DNPEP: variants seen among roughly 807,000 people sequenced by gnomAD.
DNPEP encodes the protein aspartyl aminopeptidase.
In DNPEP, 46 loss-of-function variants were observed where a neutral mutation model predicts 59.1. That is an observed-to-expected ratio of 0.78 (90% CI 0.61 to 0.99). The LOEUF (loss-of-function observed/expected upper bound fraction) is 0.99. Among genes scored for constraint, DNPEP ranks in the 50% least tolerant of loss-of-function variants. The pLI is 0.00. For synonymous variants in DNPEP, 229 were observed against 242.2 expected, an observed-to-expected ratio of 0.95 and a Z score of 0.50; for missense variants, 617 against 649.9, an observed-to-expected ratio of 0.95 and a Z score of 0.55.
chr2:219,382,918 G>A (rs546657273), intron 10 of DNPEP, among the ~76,000 whole-genome samples: 1 of 152,306 alleles, frequency 6.6e-6, no homozygotes, highest in Non-Finnish European at 1.5e-5. Flanking sequence ...AGCTCACCAT[G>A]TGGCACAAAG....
At chr2:219,376,590 A>G (rs79813736) in intron 13 of DNPEP, among the ~76,000 whole-genome samples, 1,546 of 152,336 alleles carry the variant, frequency 0.01, 27 homozygotes, top group African/African-American at 0.035. Flanking sequence ...AGAAAGAATT[A>G]GCATTTATCC....
In DNPEP at chr2:219,373,296, G is replaced by A. The variant is rs1005810964; in HGVS notation, c.*996C>T. On this transcript the variant is annotated 3_prime_UTR_variant, in exon 15 of 15. Coordinates refer to ENST00000273075, the MANE Select transcript of DNPEP (RefSeq NM_012100.4). ...TTGGTCAGGCTGGTCTTGAACTCCC[G>A]ACCTCAGGTGATCCGCCCACCTCAG... Among the ~76,000 whole-genome samples the A allele has an allele frequency of 6.6e-6, 1 of 151,786 alleles. No homozygotes were observed. The highest frequency in any genetic ancestry group is 2.4e-5 in the African/African-American group (1 of 41,288).
intron 13 of DNPEP, 58 bp downstream of exon 13, chr2:219,381,277 G>A: frequency 6.7e-7 from 1 of 1,487,860 alleles, no homozygotes; most frequent in Non-Finnish European, 9.4e-7. Flanking sequence ...GGGCCCATCT[G>A]TTTGTGCCCC....
Position 219,373,074 on chromosome 2 carries a change from C to CT in DNPEP, c.*1217dup, listed in dbSNP as rs1043331196. 0.017 allele frequency among the ~76,000 whole-genome samples: 2,426 copies of CT among 142,424 alleles called. 58 individuals carry two copies. Among genetic ancestry groups the CT allele is most frequent in the African/African-American group, 0.052 (2,036 of 39,246 alleles). The allele number at this position is 142,424 out of a possible 152,430, so 93.4% of individuals were successfully genotyped here. On this transcript the variant is annotated 3_prime_UTR_variant, in exon 15 of 15. Coordinates refer to ENST00000273075, the MANE Select transcript of DNPEP (RefSeq NM_012100.4). The stretch of plus-strand genomic sequence containing the variant: ...AAGCAGGCTTTGACTTTTTCTTTTT[C>CT]TTTTTTTTTTTTTGAGAGAGTTTCA...
intron 14 of DNPEP, 78 bp from the exon 15 acceptor site, chr2:219,374,420 C>CAT: frequency 7.5e-7 from 1 of 1,338,096 alleles, no homozygotes; most frequent in Non-Finnish European, 1.1e-6. Context: ...CTCCCACCAA[C>CAT]ATATGTTCCA....
At chr2:219,392,278 A>G (rs1030930780), upstream of DNPEP, among the ~76,000 whole-genome samples, 1 of 152,164 alleles carries the variant, frequency 6.6e-6, no homozygotes, top group African/African-American at 2.4e-5. Context: ...TTAAAGTGCA[A>G]ATACTTTTGC....
intron 8 of DNPEP, 146 bp downstream of exon 8, chr2:219,385,278 G>C (rs1953761408): frequency 1.7e-6 from 1 of 603,390 alleles, no homozygotes; most frequent in Admixed American, 2.8e-5. Flanking sequence ...CGCCCTAGAA[G>C]CAGTGGGGGA....
upstream of DNPEP, among the ~76,000 whole-genome samples, chr2:219,390,625 G>T (rs1358604138): frequency 2.6e-5 from 4 of 152,180 alleles, no homozygotes; most frequent in African/African-American, 9.6e-5. Flanking sequence ...GGAGGCAAAG[G>T]CGGGTGGATC....
At chr2:219,385,841 TG>T in intron 6 of DNPEP, 126 bp downstream of exon 6, 1 of 1,466,550 alleles carries the variant, frequency 6.8e-7, no homozygotes, top group Non-Finnish European at 9.2e-7. Context: ...ATCACAAGGC[TG>T]TGAGGACCCT....
At chr2:219,389,434 T>G (rs1346805723), upstream of DNPEP, among the ~76,000 whole-genome samples, 1 of 152,194 alleles carries the variant, frequency 6.6e-6, no homozygotes. Flanking sequence ...GGAAAGGTCC[T>G]GCAGCCCTCA....
intron 13 of DNPEP, among the ~76,000 whole-genome samples, chr2:219,380,757 A>G (rs966385309): frequency 1.1e-4 from 17 of 150,840 alleles, no homozygotes; most frequent in African/African-American, 4.1e-4. Context: ...GTTGTTAAGC[A>G]ATGCATGACA....
intron 1 of DNPEP, chr2:219,399,732 C>CT (rs1288611701): frequency 2.1e-5 from 15 of 706,290 alleles, no homozygotes; most frequent in Non-Finnish European, 3.6e-5. Context: ...TGTTAGCAGA[C>CT]TGAGAGCAGG....
chr2:219,394,579 T>C (rs867014579), intron 1 of DNPEP, among the ~76,000 whole-genome samples: 5 of 152,068 alleles, frequency 3.3e-5, no homozygotes, highest in African/African-American at 1.2e-4. Flanking sequence ...CCTGGCCTCA[T>C]CTCCCATCTT....
At position 219,374,951 on chromosome 2, in the gene DNPEP, C is replaced by A. The variant is rs969674682; in HGVS notation, c.1311G>T (p.Leu437=). Residue 437 remains leucine, a synonymous_variant, in exon 14 of 15, where the codon CTG becomes CTT. Transcript: ENST00000273075. Reference sequence around the variant, plus strand: ...GGGGGCTGCCTAAATCCAGCACCCGCAGCCCCAGCCGAGAAGCCAAGATAG... The same window carrying A: ...GGGGGCTGCCTAAATCCAGCACCCGAAGCCCCAGCCGAGAAGCCAAGATAG... The part of the protein sequence containing the change: ...IGPILASRLG[L]RVLDLGSPQL... The A allele has an allele frequency of 6.2e-7, 1 of 1,614,168 alleles. No homozygotes were observed. Among genetic ancestry groups the A allele is most frequent in the Non-Finnish European group, 8.5e-7 (1 of 1,180,040 alleles).
chr2:219,379,020 C>T (rs777264558), intron 13 of DNPEP, among the ~76,000 whole-genome samples: 13 of 152,136 alleles, frequency 8.5e-5, no homozygotes, highest in Non-Finnish European at 1.5e-4. Context: ...TGGGTTCAAG[C>T]GATTCTCCTG....
intron 13 of DNPEP, among the ~76,000 whole-genome samples, chr2:219,378,756 G>A (rs978049572): frequency 2.6e-5 from 4 of 151,326 alleles, no homozygotes; most frequent in Non-Finnish European, 5.9e-5. Context: ...GCGATGTTGT[G>A]GCATAATGCA....
chr2:219,386,692 C>G lies in DNPEP; in HGVS notation c.306G>C (p.Gly102=), dbSNP rs1391826564. The part of the protein sequence containing the change: ...YVPGNGFSLI[G]AHTDSPCLRV... ...GGAGGCAGGGGCTGTCCGTGTGGGC[C>G]CCGATGAGGCTGAAGCCATTGCCAG... The change falls in exon 4 of 15, where the codon GGG becomes GGC. Residue 102 remains glycine (G), a synonymous_variant. Coordinates refer to ENST00000273075, the MANE Select transcript of DNPEP (RefSeq NM_012100.4). 6.2e-7 allele frequency: 1 copy of G among 1,612,624 alleles called. No homozygotes were observed. The highest frequency in any genetic ancestry group is 1.1e-5 in the South Asian group (1 of 90,552).
At chr2:219,396,328 C>G (rs778441107) in intron 1 of DNPEP, among the ~76,000 whole-genome samples, 1 of 152,126 alleles carries the variant, frequency 6.6e-6, no homozygotes, top group Non-Finnish European at 1.5e-5. Flanking sequence ...TGGCTTACAC[C>G]TCTAATCCCA....
Position 219,373,380 on chromosome 2 carries a change from GAC to G in DNPEP, c.*910_*911del, listed in dbSNP as rs1953252918. 1 of 151,598 alleles carries G rather than the reference GAC, an allele frequency of 6.6e-6. No homozygotes were observed. The highest frequency in any genetic ancestry group is 2.1e-4 in the South Asian group (1 of 4,804). 9.4% of individuals were successfully genotyped at this position (151,598 alleles called of 1,614,324 possible). A position where few individuals can be genotyped will look rare whatever the true frequency, so the allele number is the denominator to read the frequency against. ...ATCACGCCTGGCCTTTTTTCTCTGA[GAC>G]AGAGCCTTGCTCTGTTGCCCAGGCT... On this transcript the variant is annotated 3_prime_UTR_variant, in exon 15 of 15. Transcript: ENST00000273075.
Sources: gnomAD v4.1 joint callset for allele counts (sites outside exome capture counted in the v4.1 genomes callset) on GRCh38, gnomAD v4.1.1 for gene constraint, MANE v1.5 for transcripts, NCBI Gene and HGNC (gene_info 2026-07-23, HGNC 2026-07-21) for gene names.